The following SCARB2 variants were observed in gnomAD, a reference collection of about 807,000 sequenced individuals.
SCARB2 encodes the protein lysosome membrane protein 2.
A neutral mutation model predicts 58.6 loss-of-function variants in SCARB2; 29 were observed. The ratio of observed to expected loss-of-function variants is 0.49; its 90% CI spans 0.37 to 0.67. SCARB2 has a LOEUF of 0.67. SCARB2 is among the 30% of genes least tolerant of loss of function. The pLI is 0.00. For missense variants in SCARB2, 488 were observed against 578.5 expected (o/e 0.84, Z 1.60); for synonymous variants, 195 against 210.1 (o/e 0.93, Z 0.62).
At chr4:76,187,966 T>G (rs1161160769) in intron 2 of SCARB2, among the ~76,000 whole-genome samples, 1 of 152,148 alleles carries the variant, frequency 6.6e-6, no homozygotes, top group Non-Finnish European at 1.5e-5. Context: ...TTACATCTTT[T>G]TAAATAATAC....
rs559779307 is a variant in SCARB2 at position 76,170,540 on chromosome 4, T to TTTTTG, written c.995-560_995-556dup. Among the ~76,000 whole-genome samples the TTTTTG allele has an allele frequency of 9.4e-3, 1,425 of 152,084 alleles. 19 individuals carry two copies. The highest frequency in any genetic ancestry group is 0.031 in the African/African-American group (1,271 of 41,390). The stretch of plus-strand genomic sequence containing the variant: ...AAATTAAAAAAAAATTTTTGGTGGT[T>TTTTTG]TTTTGTTTTGTTTTGTTTTGTTTTT... On this transcript the variant is annotated intron_variant, in intron 7 of 11. Coordinates refer to ENST00000264896, the MANE Select transcript of SCARB2 (RefSeq NM_005506.4).
At chr4:76,230,602 T>A (rs1733475633) in intron 1 of SCARB2, among the ~76,000 whole-genome samples, 1 of 152,172 alleles carries the variant, frequency 6.6e-6, no homozygotes, top group African/African-American at 2.4e-5. Flanking sequence ...TAAAGTTCAG[T>A]TTGAAGCTTC....
chr4:76,169,819 G>T, intron 8 of SCARB2, 48 bp downstream of exon 8: 2 of 1,411,510 alleles, frequency 1.4e-6, no homozygotes, highest in South Asian at 1.1e-5. Context: ...ACAATGTATA[G>T]ACAGAATAAA....
rs1396701438 is a variant in SCARB2, at chr4:76,161,730, G to C, written c.1420C>G (p.Pro474Ala). The C allele has an allele frequency of 5.6e-6, 9 of 1,614,132 alleles. No homozygotes were observed. The highest frequency in any genetic ancestry group is 7.6e-6 in the Non-Finnish European group (9 of 1,180,014). The change falls in exon 12 of 12, where the codon CCC becomes GCC. Residue 474 changes from proline (P) to alanine (A), a missense_variant. Pro to Ala is a conservative substitution (Grantham distance 27). Coordinates refer to ENST00000264896, the MANE Select transcript of SCARB2 (RefSeq NM_005506.4). Reference protein sequence around the residue: ...MDEGTADERAPLIRT With the variant: ...MDEGTADERAALIRT ...GGCAATGTTTAGGTTCGAATGAGGG[G>C]TGCTCTTTCATCCGCTGTTCCCTGA...
chr4:76,201,892 T>G (rs538054584), intron 1 of SCARB2, among the ~76,000 whole-genome samples: 12 of 152,332 alleles, frequency 7.9e-5, no homozygotes, highest in African/African-American at 2.9e-4. Flanking sequence ...CTGATGAAAC[T>G]CTTTCATTCT....
At chr4:76,214,475 G>C, upstream of SCARB2, 1 of 364,600 alleles carries the variant, frequency 2.7e-6, no homozygotes, top group Non-Finnish European at 5.5e-6. Context: ...GAAGCAAGAA[G>C]GAAGTTCCTT....
intron 1 of SCARB2, among the ~76,000 whole-genome samples, chr4:76,210,357 C>T (rs574583657): frequency 3.2e-4 from 48 of 152,306 alleles, no homozygotes; most frequent in African/African-American, 1.1e-3. Flanking sequence ...ATTCTCAGGA[C>T]ACTCTTCTTT....
chr4:76,175,650 G>A lies in SCARB2; in HGVS notation c.824+141C>T, dbSNP rs976134521. On this transcript the variant is annotated intron_variant, in intron 6 of 11. Transcript: ENST00000264896. ...GTGAACCAGTACACTATACTGTCTC[G>A]ATGTGCCATCAGCATTTATCACTGA... 26 of 985,638 alleles carry A rather than the reference G, an allele frequency of 2.6e-5. No homozygotes were observed. In the Middle Eastern group the frequency reaches 9.1e-4, roughly 34 times the overall value. The allele number at this position is 985,638 out of a possible 1,614,324, so 61.1% of individuals were successfully genotyped here.
intron 2 of SCARB2, among the ~76,000 whole-genome samples, chr4:76,188,111 T>G (rs1309720245): frequency 1.3e-5 from 2 of 152,202 alleles, no homozygotes; most frequent in Non-Finnish European, 1.5e-5. Flanking sequence ...CTTAGACAAA[T>G]TGTTTTCTTT....
rs1187563127 is a variant in SCARB2 at position 76,213,690 on chromosome 4, T to C, written c.-147A>G. 2 of 596,698 alleles carry C rather than the reference T, an allele frequency of 3.4e-6. No individual in the cohort carries two copies. Among genetic ancestry groups the C allele is most frequent in the Non-Finnish European group, 5.6e-6 (2 of 354,686 alleles). The allele number at this position is 596,698 out of a possible 1,614,324, so 37.0% of individuals were successfully genotyped here. ...CCGGCGCACGGTTCGTGCGCGCAGC[T>C]CTGGGCTCCGCGGCCTGGCGAGCGC... On this transcript the variant is annotated 5_prime_UTR_variant, in exon 1 of 12. Coordinates refer to ENST00000264896, the MANE Select transcript of SCARB2 (RefSeq NM_005506.4).
chr4:76,179,649 C>T lies in SCARB2; in HGVS notation c.480G>A (p.Leu160=). The T allele has an allele frequency of 6.2e-7, 1 of 1,614,180 alleles. No homozygotes were observed. Among genetic ancestry groups the T allele is most frequent in the Non-Finnish European group, 8.5e-7 (1 of 1,180,012 alleles). ...CAAAGAGCTTCTGCTGATAGGCTTT[C>T]AACATGGCCTCGATGATCTCCCTGA... is the stretch of plus-strand genomic sequence containing the variant. ...HFLREIIEAM[L]KAYQQKLFVT... Residue 160 remains leucine (L), a synonymous_variant, in exon 4 of 12, where the codon TTG becomes TTA. Coordinates refer to ENST00000264896, the MANE Select transcript of SCARB2 (RefSeq NM_005506.4).
intron 2 of SCARB2, among the ~76,000 whole-genome samples, chr4:76,187,323 TCA>T (rs1257904991): frequency 3.3e-5 from 5 of 152,056 alleles, no homozygotes; most frequent in African/African-American, 7.2e-5. Context: ...CATAAAAGGT[TCA>T]CAGAGTGCCA....
intron 2 of SCARB2, among the ~76,000 whole-genome samples, chr4:76,191,340 T>C (rs539651377): frequency 7.3e-4 from 111 of 152,332 alleles, no homozygotes; most frequent in African/African-American, 2.4e-3. Flanking sequence ...AGACCAATAA[T>C]ATAGTTTTGG....
chr4:76,175,715 A>G (rs1168855956), intron 6 of SCARB2, 76 bp downstream of exon 6: 11 of 1,540,858 alleles, frequency 7.1e-6, no homozygotes, highest in Admixed American at 1.7e-5. Context: ...GTGTCTGCAT[A>G]TATTCCTCAT....
chr4:76,169,757 T>G (rs1049814649), intron 8 of SCARB2, 110 bp downstream of exon 8: 2 of 905,192 alleles, frequency 2.2e-6, no homozygotes, highest in Non-Finnish European at 3.7e-6. Context: ...CACTTGAATA[T>G]GTATATGAAA....
chr4:76,170,156 T>C (rs1732099811), intron 7 of SCARB2, among the ~76,000 whole-genome samples, 171 bp from the exon 8 acceptor site: 2 of 152,224 alleles, frequency 1.3e-5, no homozygotes, highest in African/African-American at 4.8e-5. Context: ...TCAGGATTTA[T>C]ACTTCATTTT....
chr4:76,199,525 C>A (rs1227759354), intron 1 of SCARB2, among the ~76,000 whole-genome samples: 1 of 152,180 alleles, frequency 6.6e-6, no homozygotes, highest in East Asian at 1.9e-4. Context: ...ACATTAACAA[C>A]TGATACATCG....
At chr4:76,172,534 T>C (rs1191246166) in intron 7 of SCARB2, among the ~76,000 whole-genome samples, 1 of 152,170 alleles carries the variant, frequency 6.6e-6, no homozygotes, top group Admixed American at 6.5e-5. Flanking sequence ...ATTACAGGCA[T>C]GATCCACCAT....
At position 76,181,031 on chromosome 4, in the gene SCARB2, C is replaced by A. The variant is rs1732373270; in HGVS notation, c.346G>T (p.Ala116Ser). Residue 116 changes from alanine (A) to serine (S), a missense_variant, in exon 3 of 12, where the codon GCC becomes TCC. Transcript: ENST00000264896. ...GTTISAVSNK[A>S]YVFERDQSVG... ...GATTGGTCTCGTTCAAAAACATAGG[C>A]CTTGTTGCTAACAGCAGATATTGTT... 2 of 1,613,710 alleles carry A rather than the reference C, an allele frequency of 1.2e-6. No homozygotes were observed. The highest frequency in any genetic ancestry group is 1.7e-6 in the Non-Finnish European group (2 of 1,179,836).
Sources: allele counts gnomAD v4.1 joint callset (sites outside exome capture counted in the v4.1 genomes callset), GRCh38; gene constraint gnomAD v4.1.1; transcripts MANE v1.5; gene names NCBI Gene and HGNC (gene_info 2026-07-23, HGNC 2026-07-21).